The following PAPSS1 variants were observed in gnomAD, a reference collection of about 807,000 sequenced individuals.
PAPSS1 encodes bifunctional 3'-phosphoadenosine 5'-phosphosulfate synthase 1.
Under a neutral mutation model 72.0 loss-of-function variants are expected in PAPSS1, and 50 were observed. The observed-to-expected ratio is 0.69, with a 90% confidence interval of 0.55 to 0.88. The LOEUF is 0.88. Among genes scored for constraint, PAPSS1 ranks in the 40% least tolerant of loss-of-function variants. The pLI is 0.00. For missense variants in PAPSS1, 657 were observed against 782.2 expected (o/e 0.84, Z 1.91); for synonymous variants, 261 against 263.6 (o/e 0.99, Z 0.09).
chr4:107,673,404 C>T lies in PAPSS1; in HGVS notation c.669+8611G>A, dbSNP rs540781691. On this transcript the variant is annotated intron_variant, in intron 5 of 11. Coordinates refer to ENST00000265174, the MANE Select transcript of PAPSS1 (RefSeq NM_005443.5). ...GCTGAAAACCAAGGCATGAGAACTA[C>T]GTGATGAATGCAGAAGCCTCAGTAG... Among the ~76,000 whole-genome samples, 5 of 152,004 alleles carry T rather than the reference C, an allele frequency of 3.3e-5. No homozygotes were observed. The South Asian group carries it at 8.3e-4, about 25-fold the overall frequency.
Position 107,650,582 on chromosome 4 carries a change from CAT to C in PAPSS1, c.1237+2907_1237+2908del, listed in dbSNP as rs571479137. 4.6e-5 allele frequency among the ~76,000 whole-genome samples: 7 copies of C among 152,306 alleles called. No individual in the cohort carries two copies. The South Asian group carries it at 1.5e-3, about 32-fold the overall frequency. ...TGGTCACAGCAAGTCCTCCATTAAA[CAT>C]GTTTCTGTTCACCAGCAGAAAAGGG... On this transcript the variant is annotated intron_variant, in intron 9 of 11. Coordinates refer to ENST00000265174, the MANE Select transcript of PAPSS1 (RefSeq NM_005443.5).
intron 11 of PAPSS1, 57 bp downstream of exon 11, chr4:107,631,573 TG>T: frequency 8.2e-7 from 1 of 1,216,442 alleles, no homozygotes; most frequent in Non-Finnish European, 1.2e-6. Flanking sequence ...GCTAAATCCC[TG>T]GGAGCAGCTA....
chr4:107,620,164 A>G (rs1220275843), intron 11 of PAPSS1, among the ~76,000 whole-genome samples: 1 of 152,222 alleles, frequency 6.6e-6, no homozygotes, highest in African/African-American at 2.4e-5. Flanking sequence ...TAAAAGTGCT[A>G]ACTAGGCAAC....
intron 5 of PAPSS1, among the ~76,000 whole-genome samples, chr4:107,674,181 C>A (rs1054353807): frequency 6.6e-6 from 1 of 152,132 alleles, no homozygotes; most frequent in East Asian, 1.9e-4. Context: ...TCACACATAA[C>A]AATATTAGCC....
chr4:107,692,716 C>G (rs1261811886), intron 3 of PAPSS1, among the ~76,000 whole-genome samples: 1 of 151,558 alleles, frequency 6.6e-6, no homozygotes, highest in Non-Finnish European at 1.5e-5. Context: ...TTCACAGTAG[C>G]AAAGACATAG....
Position 107,720,159 on chromosome 4 carries a change from C to G in PAPSS1, c.21G>C (p.Leu7=). Residue 7 remains leucine, a synonymous_variant, in exon 1 of 12, where the codon CTG becomes CTC. Coordinates refer to ENST00000265174, the MANE Select transcript of PAPSS1 (RefSeq NM_005443.5). MEIPGS[L]CKKVKLSNNA... ...TATTGCTCAGTTTGACTTTCTTGCA[C>G]AGGCTCCCGGGGATCTCCATGACCG... 1 of 1,606,150 alleles carries G rather than the reference C, an allele frequency of 6.2e-7. No homozygotes were observed. Among genetic ancestry groups the G allele is most frequent in the Non-Finnish European group, 8.5e-7 (1 of 1,176,706 alleles).
intron 1 of PAPSS1, among the ~76,000 whole-genome samples, chr4:107,706,147 A>AT (rs1359964282): frequency 3.3e-5 from 5 of 152,160 alleles, no homozygotes; most frequent in Admixed American, 6.5e-5. Flanking sequence ...ATTGAATCTG[A>AT]TTAGAACTTT....
chr4:107,644,337 A>G (rs971151285), intron 10 of PAPSS1, among the ~76,000 whole-genome samples: 1 of 152,184 alleles, frequency 6.6e-6, no homozygotes, highest in Non-Finnish European at 1.5e-5. Context: ...TGCCCTCCCT[A>G]TACCTAGAGG....
intron 3 of PAPSS1, among the ~76,000 whole-genome samples, chr4:107,690,076 G>A (rs530476734): frequency 2.0e-5 from 3 of 152,204 alleles, no homozygotes; most frequent in South Asian, 4.1e-4. Context: ...CTGGTGCTAC[G>A]GCAAGCCTCC....
rs1431706204 is a variant in PAPSS1, at chr4:107,651,421, A to ATG, written c.1237+2069_1237+2070insCA. ...AGTCTAGCTTCAGTTCACACAACAAAAATTAAGGCACCTGTATTACCATGT... is the reference window on the plus strand; with the variant it reads ...AGTCTAGCTTCAGTTCACACAACAAATGAATTAAGGCACCTGTATTACCATGT... On this transcript the variant is annotated intron_variant, in intron 9 of 11. Transcript: ENST00000265174. 3.3e-5 allele frequency among the ~76,000 whole-genome samples: 5 copies of ATG among 152,166 alleles called. No individual in the cohort carries two copies. In the East Asian group the frequency reaches 9.6e-4, roughly 29 times the overall value.
chr4:107,672,195 A>T (rs1468016513), intron 5 of PAPSS1, among the ~76,000 whole-genome samples: 5 of 152,168 alleles, frequency 3.3e-5, no homozygotes, highest in African/African-American at 1.2e-4. Flanking sequence ...GGCGCATCTC[A>T]CTGGGGAGTG....
intron 8 of PAPSS1, among the ~76,000 whole-genome samples, chr4:107,654,358 C>G (rs113953229): frequency 1.3e-5 from 2 of 152,256 alleles, no homozygotes; most frequent in African/African-American, 4.8e-5. Flanking sequence ...CTACCTCACA[C>G]GCTCATTATA....
At chr4:107,629,483 A>T (rs1313850220) in intron 11 of PAPSS1, among the ~76,000 whole-genome samples, 1 of 152,232 alleles carries the variant, frequency 6.6e-6, no homozygotes, top group African/African-American at 2.4e-5. Flanking sequence ...CTGTAAAATT[A>T]AAGTTGAGCA....
intron 5 of PAPSS1, among the ~76,000 whole-genome samples, chr4:107,663,374 T>TA (rs1341780813): frequency 6.6e-6 from 1 of 151,912 alleles, no homozygotes; most frequent in Non-Finnish European, 1.5e-5. Context: ...CCCAGTTGTT[T>TA]AAAAAAAAGT....
intron 5 of PAPSS1, among the ~76,000 whole-genome samples, chr4:107,675,221 T>A (rs1215846205): frequency 6.6e-6 from 1 of 151,984 alleles, no homozygotes; most frequent in Non-Finnish European, 1.5e-5. Context: ...CAAAAAACTC[T>A]TCAAAAAAAT....
chr4:107,680,704 G>A (rs1267881623), intron 5 of PAPSS1, among the ~76,000 whole-genome samples: 1 of 152,192 alleles, frequency 6.6e-6, no homozygotes, highest in African/African-American at 2.4e-5. Flanking sequence ...TGTGGTTGAT[G>A]ATGGAAGATG....
At chr4:107,705,301 G>A (rs369977122) in intron 1 of PAPSS1, among the ~76,000 whole-genome samples, 2 of 152,194 alleles carry the variant, frequency 1.3e-5, no homozygotes, top group South Asian at 2.1e-4. Context: ...TGGAGGGAGC[G>A]ACATGGTAGG....
intron 5 of PAPSS1, among the ~76,000 whole-genome samples, chr4:107,671,934 T>C (rs4956119): frequency 0.18 from 27,581 of 152,122 alleles, 2,944 homozygotes; most frequent in East Asian, 0.37. Context: ...GAACTCCAGA[T>C]ACAGAGGGCC....
intron 5 of PAPSS1, among the ~76,000 whole-genome samples, chr4:107,679,771 C>CT (rs1727751499): frequency 6.6e-6 from 1 of 151,740 alleles, no homozygotes; most frequent in African/African-American, 2.4e-5. Flanking sequence ...TTCCACCCCC[C>CT]CAGATTCAAG....
Sources: gnomAD v4.1 joint callset for allele counts (sites outside exome capture counted in the v4.1 genomes callset) on GRCh38, gnomAD v4.1.1 for gene constraint, MANE v1.5 for transcripts, NCBI Gene and HGNC (gene_info 2026-07-23, HGNC 2026-07-21) for gene names.